BLOC1S3: variants seen among roughly 807,000 people sequenced by gnomAD.
BLOC1S3 encodes biogenesis of lysosome-related organelles complex 1 subunit 3.
BLOC1S3 carries 7 observed loss-of-function variants against 9.1 expected under a neutral mutation model. The ratio of observed to expected loss-of-function variants is 0.77; its 90% CI spans 0.44 to 1.45. The LOEUF is 1.45. Ranked by LOEUF, BLOC1S3 falls within the 40% of genes most tolerant of loss-of-function variation. The probability of loss-of-function intolerance (pLI) is 0.01; values close to 1 mark genes in which losing one functional copy is unlikely to be tolerated. For synonymous variants in BLOC1S3, 145 were observed against 158.4 expected (o/e 0.92, Z 0.64); for missense variants, 307 against 315.2 (o/e 0.97, Z 0.20).
At chr19:45,213,031 CATAG>C in intron 3 of BLOC1S3, 1 of 1,451,676 alleles carries the variant, frequency 6.9e-7, no homozygotes, top group Non-Finnish European at 9.0e-7. Flanking sequence ...TTGTCAGCAG[CATAG>C]ATGGGGTCAC....
chr19:45,181,840 A>C (rs1241102052), downstream of BLOC1S3: 1 of 166,742 alleles, frequency 6.0e-6, no homozygotes, highest in Non-Finnish European at 1.5e-5. Context: ...ATCTAAGCTA[A>C]GGGTGAGTTG....
intron 2 of BLOC1S3, among the ~76,000 whole-genome samples, chr19:45,197,938 G>T (rs1215325937): frequency 6.6e-6 from 1 of 151,964 alleles, no homozygotes; most frequent in African/African-American, 2.4e-5. Context: ...AGAGTTTGCA[G>T]GAAAATCTGG....
upstream of BLOC1S3, among the ~76,000 whole-genome samples, chr19:45,186,871 T>C (rs964458254): frequency 6.6e-6 from 1 of 152,250 alleles, no homozygotes; most frequent in Non-Finnish European, 1.5e-5. Context: ...TACTGGACTC[T>C]GGGCTGTCCT....
intron 3 of BLOC1S3, among the ~76,000 whole-genome samples, chr19:45,215,874 G>A (rs541780433): frequency 3.9e-5 from 6 of 152,190 alleles, no homozygotes; most frequent in Admixed American, 2.6e-4. Context: ...CCCTGGTGGC[G>A]GTGGCGGCGG....
chr19:45,189,561 T>G (rs1475432800), intron 2 of BLOC1S3, among the ~76,000 whole-genome samples: 1 of 151,196 alleles, frequency 6.6e-6, no homozygotes, highest in Non-Finnish European at 1.5e-5. Flanking sequence ...GCCTCCCGAA[T>G]AGCTGAGATT....
At chr19:45,185,289 A>G (rs1418983540), downstream of BLOC1S3, among the ~76,000 whole-genome samples, 2 of 152,206 alleles carry the variant, frequency 1.3e-5, no homozygotes, top group African/African-American at 2.4e-5. Context: ...GGCCAGGGCC[A>G]GCTAACCCAG....
At chr19:45,215,205 G>A (rs1021136234) in intron 3 of BLOC1S3, among the ~76,000 whole-genome samples, 21 of 151,864 alleles carry the variant, frequency 1.4e-4, no homozygotes, top group African/African-American at 4.8e-4. Flanking sequence ...GCTGGGCAAC[G>A]GTGGCTCACA....
intron 2 of BLOC1S3, among the ~76,000 whole-genome samples, chr19:45,194,439 G>A (rs1969632456): frequency 6.6e-6 from 1 of 152,036 alleles, no homozygotes; most frequent in Non-Finnish European, 1.5e-5. Context: ...ATTTATAGCA[G>A]TATAAAAACA....
intron 2 of BLOC1S3, among the ~76,000 whole-genome samples, chr19:45,190,052 T>C (rs1014765952): frequency 4.0e-5 from 6 of 151,876 alleles, no homozygotes; most frequent in Admixed American, 6.6e-5. Context: ...GGTCTTGCTA[T>C]GTAACCTGGC....
intron 3 of BLOC1S3, among the ~76,000 whole-genome samples, chr19:45,209,552 G>C (rs1342848627): frequency 6.6e-6 from 1 of 152,020 alleles, no homozygotes; most frequent in African/African-American, 2.4e-5. Flanking sequence ...CTCCCGAGTA[G>C]CTGGGACTAC....
chr19:45,183,910 C>T (rs1341028906), downstream of BLOC1S3, among the ~76,000 whole-genome samples: 1 of 152,058 alleles, frequency 6.6e-6, no homozygotes, highest in Non-Finnish European at 1.5e-5. Flanking sequence ...GCTGGGATTA[C>T]AGGCATGAGC....
Position 45,179,397 on chromosome 19 carries a change from C to T in BLOC1S3, c.101C>T (p.Ser34Leu). 6.3e-7 allele frequency: 1 copy of T among 1,575,194 alleles called. No individual in the cohort carries two copies. The highest frequency in any genetic ancestry group is 8.6e-7 in the Non-Finnish European group (1 of 1,168,566). Residue 34 changes from serine (S) to leucine (L), a missense_variant, in exon 2 of 2, where the codon TCG becomes TTG. By Grantham distance (145) the Ser-to-Leu change is moderately radical. Transcript: ENST00000433642. The surrounding 1 kb of genome is among the most constrained non-coding windows in gnomAD (Gnocchi z 4.6). ...GATTCCGAGCGCTCTGCGTCCTCGT[C>T]GGAGGAGGAGGAGCTGTACCTGGGT... ...ETDSERSASSSEEEELYLGPS... is the reference protein window; with the variant it reads ...ETDSERSASSLEEEELYLGPS...
intron 2 of BLOC1S3, among the ~76,000 whole-genome samples, chr19:45,194,102 CTTT>C (rs34470523): frequency 2.0e-4 from 9 of 45,112 alleles, no homozygotes; most frequent in African/African-American, 8.1e-4. Flanking sequence ...CGCGCCTGGC[CTTT>C]TTTTTTTTTT....
intron 3 of BLOC1S3, among the ~76,000 whole-genome samples, chr19:45,210,600 CT>C (rs925610965): frequency 5.7e-4 from 82 of 144,872 alleles, no homozygotes; most frequent in Middle Eastern, 3.6e-3. Context: ...CACCCGGCCA[CT>C]TTTTTTTTTT....
intron 3 of BLOC1S3, among the ~76,000 whole-genome samples, chr19:45,212,287 T>C (rs544021414): frequency 3.9e-4 from 59 of 152,336 alleles, no homozygotes; most frequent in African/African-American, 1.3e-3. Flanking sequence ...CAGCCCGGCC[T>C]TGGGTGTGTG....
intron 3 of BLOC1S3, chr19:45,212,967 G>C (rs1969791298): frequency 1.6e-6 from 2 of 1,288,518 alleles, no homozygotes; most frequent in Non-Finnish European, 1.0e-6. Context: ...TTCTATCCCA[G>C]GGGTGTGTGG....
intron 3 of BLOC1S3, among the ~76,000 whole-genome samples, chr19:45,210,000 T>C (rs1445035581): frequency 2.0e-5 from 3 of 152,192 alleles, no homozygotes; most frequent in Admixed American, 2.0e-4. Flanking sequence ...CCCAAAGTGC[T>C]GGGATTACAG....
intron 3 of BLOC1S3, chr19:45,216,255 C>T (rs1969833952): frequency 1.3e-6 from 2 of 1,588,904 alleles, no homozygotes; most frequent in African/African-American, 1.3e-5. Flanking sequence ...CAATTCCTGC[C>T]CCTCCTGGCT....
In BLOC1S3 at chr19:45,192,522, T is replaced by C. The variant is rs142392232; in HGVS notation, n.180+4782T>C. 1.3e-3 allele frequency among the ~76,000 whole-genome samples: 197 copies of C among 152,300 alleles called. 1 individual carries two copies. Among genetic ancestry groups the C allele is most frequent in the South Asian group, 2.9e-3 (14 of 4,828 alleles). On this transcript the variant is annotated intron_variant and non_coding_transcript_variant, in intron 2 of 3. Coordinates refer to the BLOC1S3 transcript ENST00000591569. ...TCCCCGTAGTCACCACGTCAGGGAATATGCTGGGTCATATCTGAAGTCAGT... is the reference window on the plus strand; with the variant it reads ...TCCCCGTAGTCACCACGTCAGGGAACATGCTGGGTCATATCTGAAGTCAGT...
Sources: gnomAD v4.1 joint callset for allele counts (sites outside exome capture counted in the v4.1 genomes callset) on GRCh38, gnomAD v4.1.1 for gene constraint, Gnocchi (gnomAD v3.1) non-coding constraint, MANE v1.5 for transcripts, NCBI Gene and HGNC (gene_info 2026-07-23, HGNC 2026-07-21) for gene names.